KCTD16: variants seen among roughly 807,000 people sequenced by gnomAD.
The protein encoded by KCTD16 is potassium channel tetramerization domain containing 16, also known as BTB/POZ domain-containing protein KCTD16.
Under a neutral mutation model 33.2 loss-of-function variants are expected in KCTD16, and 13 were observed. The ratio of observed to expected loss-of-function variants is 0.39; its 90% confidence interval spans 0.25 to 0.62. The LOEUF is 0.62. KCTD16 is among the 20% of genes least tolerant of loss of function. The pLI is 0.50. For missense variants in KCTD16, 441 were observed against 525.1 expected, an observed-to-expected ratio of 0.84 and a Z score of 1.57; for synonymous variants, 197 against 195.3, an observed-to-expected ratio of 1.01 and a Z score of -0.07.
intron 3 of KCTD16, among the ~76,000 whole-genome samples, chr5:144,309,563 G>T (rs919444620): frequency 2.0e-5 from 3 of 152,152 alleles, no homozygotes; most frequent in African/African-American, 7.2e-5. Flanking sequence ...CCTAATGAGA[G>T]AGACCAGACA....
intron 3 of KCTD16, among the ~76,000 whole-genome samples, chr5:144,411,612 A>G (rs185741843): frequency 1.1e-3 from 165 of 152,328 alleles, no homozygotes; most frequent in Non-Finnish European, 2.1e-3. Flanking sequence ...ATGCTTCTTG[A>G]CATTGTCCTG....
intron 3 of KCTD16, among the ~76,000 whole-genome samples, chr5:144,398,711 C>T (rs894885888): frequency 6.8e-6 from 1 of 146,600 alleles, no homozygotes; most frequent in Non-Finnish European, 1.5e-5. Context: ...CACACACACT[C>T]TCTCTCTCTC....
chr5:144,415,982 T>C (rs1010948184), intron 3 of KCTD16, among the ~76,000 whole-genome samples: 4 of 152,196 alleles, frequency 2.6e-5, no homozygotes, highest in Non-Finnish European at 5.9e-5. Flanking sequence ...ATTACACAGA[T>C]AATCTTACAG....
At chr5:144,247,944 G>T (rs527315739) in intron 3 of KCTD16, among the ~76,000 whole-genome samples, 1 of 152,138 alleles carries the variant, frequency 6.6e-6, no homozygotes. Flanking sequence ...TATTTTCCAT[G>T]CTCAGTGACT....
intron 3 of KCTD16, among the ~76,000 whole-genome samples, chr5:144,270,930 C>G (rs1755275453): frequency 6.6e-6 from 1 of 151,648 alleles, no homozygotes; most frequent in Non-Finnish European, 1.5e-5. Flanking sequence ...ATAAAAAGAA[C>G]AAATTTGTAG....
chr5:144,251,250 G>A (rs978339093), intron 3 of KCTD16, among the ~76,000 whole-genome samples: 1 of 152,120 alleles, frequency 6.6e-6, no homozygotes, highest in African/African-American at 2.4e-5. Flanking sequence ...GGTAGTAGGG[G>A]GTGGTGTGTT....
intron 3 of KCTD16, among the ~76,000 whole-genome samples, chr5:144,446,616 G>A (rs181227978): frequency 1.3e-5 from 2 of 152,176 alleles, no homozygotes; most frequent in Admixed American, 6.5e-5. Flanking sequence ...AGAGTGAACA[G>A]GCAACCTACA....
intron 3 of KCTD16, among the ~76,000 whole-genome samples, chr5:144,247,661 T>C (rs768384064): frequency 4.6e-5 from 7 of 152,208 alleles, no homozygotes; most frequent in Non-Finnish European, 1.0e-4. Context: ...AATACCATGA[T>C]CATGATTATT....
chr5:144,265,021 C>G (rs1451419672), intron 3 of KCTD16, among the ~76,000 whole-genome samples: 1 of 152,194 alleles, frequency 6.6e-6, no homozygotes, highest in Non-Finnish European at 1.5e-5. Context: ...GAGACATATA[C>G]TTCCTAGCTG....
chr5:144,187,980 C>CAGCA, intron 2 of KCTD16, among the ~76,000 whole-genome samples: 1 of 152,280 alleles, frequency 6.6e-6, no homozygotes, highest in Admixed American at 6.5e-5. Flanking sequence ...ATCTAGTAGA[C>CAGCA]AGCACTCTTC....
At chr5:144,426,500 C>T (rs1280166169) in intron 3 of KCTD16, among the ~76,000 whole-genome samples, 1 of 152,102 alleles carries the variant, frequency 6.6e-6, no homozygotes, top group Admixed American at 6.6e-5. Context: ...TTACCCAGTT[C>T]CAAAGCCATT....
In KCTD16 at chr5:144,484,045, CATTTTATTTTATTTATTT is replaced by C. The variant is rs907192270; in HGVS notation, c.*9937_*9954del. The stretch of plus-strand genomic sequence containing the variant: ...TCATCCTAACTTCATGTTCCTCTGT[CATTTTATTTTATTTATTT>C]ATTTTTAATTCCAAAGGAGAAAGTT... On this transcript the variant is annotated 3_prime_UTR_variant, in exon 4 of 4. Coordinates refer to ENST00000512467, the MANE Select transcript of KCTD16 (RefSeq NM_020768.4). 284 of 151,912 alleles carry C rather than the reference CATTTTATTTTATTTATTT, an allele frequency of 1.9e-3. 1 individual carries two copies. Among genetic ancestry groups the C allele is most frequent in the African/African-American group, 6.5e-3 (269 of 41,488 alleles). 9.4% of individuals were successfully genotyped at this position (151,912 alleles called of 1,614,324 possible).
intron 3 of KCTD16, among the ~76,000 whole-genome samples, chr5:144,269,963 C>T (rs919812026): frequency 6.7e-6 from 1 of 150,036 alleles, no homozygotes; most frequent in East Asian, 1.9e-4. Context: ...ATGGTAGCTA[C>T]AAAGAAAACA....
chr5:144,279,266 C>G (rs1358172767), intron 3 of KCTD16, among the ~76,000 whole-genome samples: 2 of 152,120 alleles, frequency 1.3e-5, no homozygotes, highest in Non-Finnish European at 2.9e-5. Context: ...TTTATTTATT[C>G]TTTCCTAATC....
chr5:144,469,016 T>C (rs997994795), intron 3 of KCTD16, among the ~76,000 whole-genome samples: 1 of 152,192 alleles, frequency 6.6e-6, no homozygotes, highest in Middle Eastern at 3.2e-3. Flanking sequence ...AGTCTAATCA[T>C]ACAATTTGCT....
At chr5:144,173,334 A>G (rs1223644414) in intron 1 of KCTD16, among the ~76,000 whole-genome samples, 1 of 152,240 alleles carries the variant, frequency 6.6e-6, no homozygotes, top group Non-Finnish European at 1.5e-5. Flanking sequence ...CTTTGCAGGG[A>G]CATAGATGGA....
At position 144,276,042 on chromosome 5, in the gene KCTD16, G is replaced by A. The variant is rs578019669; in HGVS notation, c.832+68496G>A. Among the ~76,000 whole-genome samples, 4 of 152,166 alleles carry A rather than the reference G, an allele frequency of 2.6e-5. No homozygotes were observed. The East Asian group carries it at 5.8e-4, about 22-fold the overall frequency. ...ACAGGTTTCTTTGGTGCTCTTCATT[G>A]GAACTTTTGTTTAAAAAGTAATTTT... On this transcript the variant is annotated intron_variant, in intron 3 of 3. Transcript: ENST00000512467.
chr5:144,172,601 T>C (rs2126768107), intron 1 of KCTD16, among the ~76,000 whole-genome samples: 1 of 152,336 alleles, frequency 6.6e-6, no homozygotes, highest in Admixed American at 6.5e-5. Flanking sequence ...TTGGTTTAGG[T>C]ATCATCTGCA....
chr5:144,253,270 T>A (rs919563701), intron 3 of KCTD16, among the ~76,000 whole-genome samples: 5 of 152,168 alleles, frequency 3.3e-5, no homozygotes, highest in Admixed American at 3.3e-4. Context: ...AGATATCCCA[T>A]GTATCACTTT....
Sources: gnomAD v4.1 joint callset for allele counts (sites outside exome capture counted in the v4.1 genomes callset) on GRCh38, gnomAD v4.1.1 for gene constraint, MANE v1.5 for transcripts, NCBI Gene and HGNC (gene_info 2026-07-23, HGNC 2026-07-21) for gene names.